The following HEATR4 variants were observed in gnomAD, a reference collection of about 807,000 sequenced individuals.
HEATR4 encodes HEAT repeat containing 4, also known as HEAT repeat-containing protein 4.
HEATR4 carries 95 observed loss-of-function variants against 108.8 expected under a neutral mutation model. The observed-to-expected ratio is 0.87, with a 90% CI of 0.74 to 1.04. The LOEUF is 1.04. Ranked by LOEUF, HEATR4 falls within the 50% of genes least tolerant of loss-of-function variation. HEATR4 has a pLI of 0.00. For missense variants in HEATR4, 1,152 were observed against 1,253.8 expected, an observed-to-expected ratio of 0.92 and a Z score of 1.23; for synonymous variants, 443 against 459.4, an observed-to-expected ratio of 0.96 and a Z score of 0.46.
At chr14:73,486,994 G>A (rs1019572803) in intron 17 of HEATR4, among the ~76,000 whole-genome samples, 9 of 152,086 alleles carry the variant, frequency 5.9e-5, no homozygotes, top group East Asian at 1.9e-4. Flanking sequence ...CTGGCCCAGC[G>A]CGATGGCTCA....
chr14:73,512,550 T>TTGTA (rs745938864), intron 6 of HEATR4, among the ~76,000 whole-genome samples: 2 of 152,168 alleles, frequency 1.3e-5, no homozygotes, highest in Non-Finnish European at 2.9e-5. Context: ...GATTTCTTAT[T>TTGTA]TGTAATACAG....
chr14:73,492,033 C>G lies in HEATR4; in HGVS notation c.2844+1033G>C, dbSNP rs1269016987. On this transcript the variant is annotated intron_variant, in intron 17 of 17. Coordinates refer to ENST00000553558, the MANE Select transcript of HEATR4 (RefSeq NM_001220484.1). This position sits in a 1 kb window ranked among gnomAD's most constrained non-coding sequence, Gnocchi z 4.9. Reference sequence around the variant, plus strand: ...CCCCCTAACTCGCAGGGCTTTGCCCCCCACTACGACGACATCGAGGCCTTC... The same window carrying G: ...CCCCCTAACTCGCAGGGCTTTGCCCGCCACTACGACGACATCGAGGCCTTC... 3.7e-6 allele frequency: 6 copies of G among 1,614,002 alleles called. No individual in the cohort carries two copies. The highest frequency in any genetic ancestry group is 5.1e-6 in the Non-Finnish European group (6 of 1,179,890).
chr14:73,595,676 TGA>T, the HEATR4 span: 1 of 1,509,924 alleles, frequency 6.6e-7, no homozygotes, highest in Non-Finnish European at 8.8e-7. Context: ...GTTGTTGACA[TGA>T]GAGATTCAAG....
At chr14:73,576,793 CAAAA>C in the HEATR4 span, among the ~76,000 whole-genome samples, 224 of 12,050 alleles carry the variant, frequency 0.019, no homozygotes, top group African/African-American at 0.048. Context: ...GACACAGTCT[CAAAA>C]AAAAAAAAAA....
At chr14:73,522,215 T>G in intron 3 of HEATR4, 57 bp downstream of exon 3, 2 of 1,538,144 alleles carry the variant, frequency 1.3e-6, no homozygotes, top group Non-Finnish European at 1.8e-6. Flanking sequence ...CACCTGGGAG[T>G]CCCTAAAGGG....
chr14:73,611,292 A>G, the HEATR4 span, among the ~76,000 whole-genome samples: 1 of 152,178 alleles, frequency 6.6e-6, no homozygotes, highest in Admixed American at 6.5e-5. Context: ...CATTAGCAAG[A>G]TACTGAAAAA....
chr14:73,573,633 C>T, the HEATR4 span: 1 of 1,609,392 alleles, frequency 6.2e-7, no homozygotes, highest in African/African-American at 1.3e-5. Flanking sequence ...TGTATCAGGT[C>T]TCTTCTTAAA....
intron 3 of HEATR4, 56 bp from the exon 4 acceptor site, chr14:73,521,095 C>T: frequency 6.8e-7 from 1 of 1,470,960 alleles, no homozygotes; most frequent in South Asian, 1.2e-5. Flanking sequence ...GTGGATCCCC[C>T]TTTCCATTAA....
the HEATR4 span, among the ~76,000 whole-genome samples, chr14:73,589,153 A>G: frequency 6.6e-6 from 1 of 152,140 alleles, no homozygotes; most frequent in Non-Finnish European, 1.5e-5. Context: ...GTTTTGGACA[A>G]ATGTATAATG....
the HEATR4 span, among the ~76,000 whole-genome samples, chr14:73,589,386 C>G: frequency 6.6e-6 from 1 of 152,018 alleles, no homozygotes; most frequent in Non-Finnish European, 1.5e-5. Flanking sequence ...GTGGTATGAT[C>G]TCAGCTTACT....
chr14:73,614,101 T>A, the HEATR4 span, among the ~76,000 whole-genome samples: 1 of 149,888 alleles, frequency 6.7e-6, no homozygotes, highest in Admixed American at 6.7e-5. Context: ...CTTGGGAGGC[T>A]GAGGTGGGAG....
chr14:73,628,300 AT>A, the HEATR4 span, among the ~76,000 whole-genome samples: 2 of 152,006 alleles, frequency 1.3e-5, no homozygotes, highest in East Asian at 1.9e-4. Flanking sequence ...TCACATAGTC[AT>A]TTTTTTTAAT....
intron 13 of HEATR4, among the ~76,000 whole-genome samples, chr14:73,498,733 T>C (rs1886246179): frequency 6.6e-6 from 1 of 152,240 alleles, no homozygotes; most frequent in South Asian, 2.1e-4. Flanking sequence ...GTCTTGAAAC[T>C]GATCTGACTT....
intron 2 of HEATR4, among the ~76,000 whole-genome samples, chr14:73,523,835 C>G (rs1317815667): frequency 5.3e-5 from 8 of 152,186 alleles, no homozygotes. Flanking sequence ...TAAATTCCTC[C>G]TGGTCTGTAC....
the HEATR4 span, among the ~76,000 whole-genome samples, chr14:73,596,851 G>A: frequency 3.3e-5 from 5 of 151,868 alleles, no homozygotes; most frequent in African/African-American, 9.7e-5. Flanking sequence ...CACCTGCCTC[G>A]GTCTCCCAAA....
chr14:73,523,059 A>C lies in HEATR4; in HGVS notation c.94T>G (p.Ser32Ala). 1 of 1,613,942 alleles carries C rather than the reference A, an allele frequency of 6.2e-7. No homozygotes were observed. Among genetic ancestry groups the C allele is most frequent in the African/African-American group, 1.3e-5 (1 of 75,026 alleles). ...CACTCCTCCTTGCCTTTCAATTTTGAGTAGTTTAAAATCATGCCCCATCCC... is the reference window on the plus strand; with the variant it reads ...CACTCCTCCTTGCCTTTCAATTTTGCGTAGTTTAAAATCATGCCCCATCCC... ...RLGWGMILNY[S>A]KLKGKEECAS... Residue 32 changes from serine to alanine, a missense_variant, in exon 3 of 18, where the codon TCA (serine) becomes GCA (alanine). Physicochemically the swap from Ser to Ala is moderately conservative, Grantham distance 99. Transcript: ENST00000553558.
At chr14:73,628,753 C>CAAAAAA in the HEATR4 span, among the ~76,000 whole-genome samples, 1 of 126,526 alleles carries the variant, frequency 7.9e-6, no homozygotes, top group Non-Finnish European at 1.7e-5. Flanking sequence ...AACTCCATCT[C>CAAAAAA]AAAAAAAAAA....
rs111549704 is a variant in HEATR4 at position 73,522,981 on chromosome 14, G to A, written c.172C>T (p.His58Tyr). The A allele has an allele frequency of 8.1e-6, 13 of 1,614,124 alleles. No homozygotes were observed. The highest frequency in any genetic ancestry group is 1.0e-5 in the Non-Finnish European group (12 of 1,180,052). The change falls in exon 3 of 18, where the codon CAC becomes TAC. Residue 58 changes from histidine to tyrosine, a missense_variant. Transcript: ENST00000553558. ...ATTTTCAAATATTGGCTCTTGCGGT[G>A]TAGACGGTACTGTGAGCTGAAGAAG... ...MVFFSSQYRLHRKSQYLKMAA... is the reference protein window; with the variant it reads ...MVFFSSQYRLYRKSQYLKMAA...
chr14:73,511,865 T>G, intron 7 of HEATR4, 141 bp downstream of exon 7: 1 of 874,858 alleles, frequency 1.1e-6, no homozygotes, highest in Non-Finnish European at 1.8e-6. Context: ...CTGATAAGCA[T>G]GTATATATAG....
Sources: allele counts gnomAD v4.1 joint callset (sites outside exome capture counted in the v4.1 genomes callset), GRCh38; gene constraint gnomAD v4.1.1; non-coding constraint Gnocchi (gnomAD v3.1); transcripts MANE v1.5; gene names NCBI Gene and HGNC (gene_info 2026-07-23, HGNC 2026-07-21).